PLEC: variants seen among roughly 807,000 people sequenced by gnomAD.
PLEC encodes the protein plectin.
PLEC carries 216 observed loss-of-function variants against 392.8 expected under a neutral mutation model. The observed-to-expected ratio is 0.55, with a 90% CI of 0.49 to 0.62. PLEC has a LOEUF of 0.62. PLEC is among the 20% of genes least tolerant of loss of function. The pLI, the probability that PLEC is intolerant of heterozygous loss-of-function variation, is 0.00. For missense variants in PLEC, 6,863 were observed against 6,563.4 expected (o/e 1.05, Z -1.58); for synonymous variants, 3,621 against 2,980.6 (o/e 1.21, Z -7.00).
At chr8:143,949,659 G>A (rs1311009965) in intron 1 of PLEC, among the ~76,000 whole-genome samples, 2 of 152,204 alleles carry the variant, frequency 1.3e-5, no homozygotes, top group East Asian at 3.9e-4. Context: ...GCCGTCCCCA[G>A]CCACCACCAA....
chr8:143,935,347 G>T, intron 6 of PLEC, 34 bp from the exon 7 acceptor site: 1 of 1,470,644 alleles, frequency 6.8e-7, no homozygotes, highest in African/African-American at 1.4e-5. Context: ...AGGTGGGTGG[G>T]ACAAGACCAG....
upstream of PLEC, among the ~76,000 whole-genome samples, chr8:143,951,866 C>A (rs973150511): frequency 2.3e-4 from 35 of 151,110 alleles, no homozygotes; most frequent in South Asian, 4.2e-4. Context: ...CCATCATCCA[C>A]CCCCCCCTCC....
At position 143,929,922 on chromosome 8, in the gene PLEC, G is replaced by C. The variant is rs782315307; in HGVS notation, c.2739+14C>G. The C allele has an allele frequency of 1.2e-6, 2 of 1,607,922 alleles. No individual in the cohort carries two copies. Among genetic ancestry groups the C allele is most frequent in the East Asian group, 2.2e-5 (1 of 44,812 alleles). On this transcript the variant is annotated intron_variant, in intron 22 of 31. Coordinates refer to ENST00000345136, the MANE Select transcript of PLEC (RefSeq NM_201384.3). ...CTCCCACCCAGAGAGCCCCCGGCTCGGGGGCAGGCGTACCGTGGCCAGGGA... is the reference window on the plus strand; with the variant it reads ...CTCCCACCCAGAGAGCCCCCGGCTCCGGGGCAGGCGTACCGTGGCCAGGGA...
In PLEC at chr8:143,929,329, C is replaced by T. The variant is rs2131701856; in HGVS notation, c.3082-48G>A. The T allele has an allele frequency of 3.8e-6, 6 of 1,591,072 alleles. No individual in the cohort carries two copies. In the East Asian group the frequency reaches 1.3e-4, roughly 36 times the overall value. ...CGCACTCATCACCGAGCGCAGCACACAGCGCCCCTTGAAGGCCAAAGGAGG... is the reference window on the plus strand; with the variant it reads ...CGCACTCATCACCGAGCGCAGCACATAGCGCCCCTTGAAGGCCAAAGGAGG... On this transcript the variant is annotated intron_variant, in intron 24 of 31. Coordinates refer to ENST00000345136, the MANE Select transcript of PLEC (RefSeq NM_201384.3).
rs782012805 is a variant in PLEC at position 143,939,494 on chromosome 8, G to A, written c.-33C>T. On this transcript the variant is annotated 5_prime_UTR_variant, in exon 1 of 32. Coordinates refer to ENST00000345136, the MANE Select transcript of PLEC (RefSeq NM_201384.3). ...CCACACCTTCGTCGCCCGGACCCTC[G>A]GCCTCAGGCACGGTGCTCTGGGCAG... 13 of 1,592,424 alleles carry A rather than the reference G, an allele frequency of 8.2e-6. No homozygotes were observed. Among genetic ancestry groups the A allele is most frequent in the African/African-American group, 5.4e-5 (4 of 74,580 alleles).
intron 1 of PLEC, among the ~76,000 whole-genome samples, chr8:143,948,673 C>G (rs1490837695): frequency 1.3e-5 from 2 of 152,226 alleles, no homozygotes; most frequent in Non-Finnish European, 2.9e-5. Context: ...GGGGTGCCCT[C>G]CGCTCTGCCT....
Position 143,916,017 on chromosome 8 carries a change from G to A in PLEC, c.*160C>T, listed in dbSNP as rs111529162. On this transcript the variant is annotated 3_prime_UTR_variant, in exon 32 of 32. Transcript: ENST00000345136. ...AGCCCTGTCCCCCAAGATACAGGCT[G>A]TCTGGACAGCAGATATATATTAATA... 5 of 550,638 alleles carry A rather than the reference G, an allele frequency of 9.1e-6. No individual in the cohort carries two copies. The highest frequency in any genetic ancestry group is 4.1e-5 in the African/African-American group (2 of 49,302). The allele number at this position is 550,638 out of a possible 1,614,324, so 34.1% of individuals were successfully genotyped here. A position where few individuals can be genotyped will look rare whatever the true frequency, so the allele number is the denominator to read the frequency against.
rs1462067970 is a variant in PLEC, at chr8:143,916,114, G to GC, written c.*62dup. 6 of 1,283,086 alleles carry GC rather than the reference G, an allele frequency of 4.7e-6. No individual in the cohort carries two copies. Among genetic ancestry groups the GC allele is most frequent in the Non-Finnish European group, 6.3e-6 (6 of 957,962 alleles). 79.5% of individuals were successfully genotyped at this position (1,283,086 alleles called of 1,614,324 possible). A position where few individuals can be genotyped will look rare whatever the true frequency, so the allele number is the denominator to read the frequency against. On this transcript the variant is annotated 3_prime_UTR_variant, in exon 32 of 32. Coordinates refer to ENST00000345136, the MANE Select transcript of PLEC (RefSeq NM_201384.3). ...AAGACACCTTTAAGCGTTGAAAACGGCCCCCGCGCCTCGGTGGGAGCCGGG... is the reference window on the plus strand; with the variant it reads ...AAGACACCTTTAAGCGTTGAAAACGGCCCCCCGCGCCTCGGTGGGAGCCGGG...
rs782383190 is a variant in PLEC at position 143,925,579 on chromosome 8, G to A, written c.4350C>T (p.Ile1450=). 1.9e-5 allele frequency: 30 copies of A among 1,579,858 alleles called. 1 individual carries two copies. The highest frequency in any genetic ancestry group is 1.4e-4 in the Admixed American group (8 of 57,644). Residue 1450 remains isoleucine (I), a synonymous_variant, in exon 31 of 32, where the codon ATC becomes ATT. Coordinates refer to ENST00000345136, the MANE Select transcript of PLEC (RefSeq NM_201384.3). ...AEAAERSRLR[I]EEEIRVVRLQ... ...GGCGCACCACGCGGATCTCCTCCTC[G>A]ATGCGCAGCCGGCTGCGCTCAGCCG...
At chr8:143,954,566 A>G (rs1210982200), upstream of PLEC, among the ~76,000 whole-genome samples, 2 of 151,728 alleles carry the variant, frequency 1.3e-5, no homozygotes, top group Non-Finnish European at 2.9e-5. This position sits in a 1 kb window ranked among gnomAD's most constrained non-coding sequence, Gnocchi z 4.6. Context: ...CCCCACGACC[A>G]CCAGGGACCC....
rs201093335 is a variant in PLEC, at chr8:143,921,788, G to A, written c.8033C>T (p.Thr2678Met). ...TTCCCGCCGTGCGAGCTCGTCCACC[G>A]TGGTGTGGCCCTGCGCCAACCGCTG... Reference protein sequence around the residue: ...ELQRLAQGHTTVDELARREDV... With the variant: ...ELQRLAQGHTMVDELARREDV... The change falls in exon 32 of 32, where the codon ACG becomes ATG. Residue 2678 changes from threonine (T) to methionine (M), a missense_variant. By Grantham distance (81) the Thr-to-Met change is moderately conservative. Coordinates refer to ENST00000345136, the MANE Select transcript of PLEC (RefSeq NM_201384.3). The A allele has an allele frequency of 1.5e-4, 241 of 1,610,842 alleles. No homozygotes were observed. Among genetic ancestry groups the A allele is most frequent in the Non-Finnish European group, 1.8e-4 (213 of 1,179,814 alleles).
In PLEC at chr8:143,917,658, G is replaced by T. The variant is rs200383296; in HGVS notation, c.12163C>A (p.Pro4055Thr). The T allele has an allele frequency of 9.3e-6, 15 of 1,613,652 alleles. No individual in the cohort carries two copies. In the Admixed American group the frequency reaches 2.5e-4, roughly 27 times the overall value. ...AQIATGGIID[P>T]EESHRLPVEV... ...ACGGGCAGCCGGTGGCTCTCCTCAG[G>T]GTCGATGATGCCGCCCGTGGCGATC... The change falls in exon 32 of 32, where the codon CCT becomes ACT. Residue 4055 changes from proline (P) to threonine (T), a missense_variant. Transcript: ENST00000345136.
In PLEC at chr8:143,917,461, C is replaced by A. The variant is rs146781600; in HGVS notation, c.12360G>T (p.Pro4120=). The A allele has an allele frequency of 6.8e-6, 11 of 1,613,728 alleles. No homozygotes were observed. In the Admixed American group the frequency reaches 1.8e-4, roughly 27 times the overall value. The part of the protein sequence containing the change: ...TDPQTGLCLL[P]LKEKKRERKT... ...TCCGCTCCCGCTTCTTCTCCTTCAGCGGCAAGAGACACAGGCCCGTCTGGG... is the reference window on the plus strand; with the variant it reads ...TCCGCTCCCGCTTCTTCTCCTTCAGAGGCAAGAGACACAGGCCCGTCTGGG... Residue 4120 remains proline (P), a synonymous_variant, in exon 32 of 32, where the codon CCG becomes CCT. Transcript: ENST00000345136.
chr8:143,947,049 G>T (rs187332337), intron 1 of PLEC, among the ~76,000 whole-genome samples: 2 of 152,150 alleles, frequency 1.3e-5, no homozygotes, highest in Admixed American at 1.3e-4. Context: ...GAAGCCTGCC[G>T]GCGATCTACA....
At chr8:143,949,720 G>A (rs1014622558) in intron 1 of PLEC, among the ~76,000 whole-genome samples, 1 of 152,216 alleles carries the variant, frequency 6.6e-6, no homozygotes, top group Non-Finnish European at 1.5e-5. Flanking sequence ...CACTCTGTGC[G>A]GCACCAAGCC....
chr8:143,938,474 G>A lies in PLEC; in HGVS notation c.174+157C>T, dbSNP rs557754022. 731 of 1,546,660 alleles carry A rather than the reference G, an allele frequency of 4.7e-4. 4 individuals are homozygous for A. The African/African-American group carries it at 8.8e-3, about 19-fold the overall frequency. The stretch of plus-strand genomic sequence containing the variant: ...GAGGAGGAAGAGAGAGGCAGGAGCA[G>A]GCGTAGGGAAGAAAGAGGACAGAAA... On this transcript the variant is annotated intron_variant, in intron 2 of 31. Coordinates refer to ENST00000345136, the MANE Select transcript of PLEC (RefSeq NM_201384.3).
rs542878693 is a variant in PLEC at position 143,925,565 on chromosome 8, C to A, written c.4364G>T (p.Arg1455Leu). ...RSRLRIEEEI[R>L]VVRLQLEATE... ...GGCCTCCAACTGCAGGCGCACCACG[C>A]GGATCTCCTCCTCGATGCGCAGCCG... Residue 1455 changes from arginine (R) to leucine (L), a missense_variant, in exon 31 of 32, where the codon CGC becomes CTC. Physicochemically the swap from Arg to Leu is moderately radical, Grantham distance 102. Coordinates refer to ENST00000345136, the MANE Select transcript of PLEC (RefSeq NM_201384.3). 1 of 1,587,348 alleles carries A rather than the reference C, an allele frequency of 6.3e-7. No homozygotes were observed. Among genetic ancestry groups the A allele is most frequent in the East Asian group, 2.3e-5 (1 of 44,156 alleles).
In PLEC at chr8:143,920,691, G is replaced by C; in HGVS notation, c.9130C>G (p.Leu3044Val). Residue 3044 changes from leucine (L) to valine (V), a missense_variant, in exon 32 of 32, where the codon CTG (leucine) becomes GTG (valine). Coordinates refer to ENST00000345136, the MANE Select transcript of PLEC (RefSeq NM_201384.3). ...TCGGATGGCAGCAGGTCTTTCTTCA[G>C]GGCATTGTAGATACTCAGCTTCTGC... The part of the protein sequence containing the change: ...AGQKLSIYNA[L>V]KKDLLPSDMA... The C allele has an allele frequency of 6.2e-7, 1 of 1,602,818 alleles. No individual in the cohort carries two copies. The highest frequency in any genetic ancestry group is 8.5e-7 in the Non-Finnish European group (1 of 1,179,898).
intron 1 of PLEC, among the ~76,000 whole-genome samples, chr8:143,972,011 G>A (rs1029452277): frequency 1.3e-5 from 2 of 152,316 alleles, no homozygotes; most frequent in African/African-American, 4.8e-5. Context: ...AGACAGCCCT[G>A]GGGCCAGGAA....
Sources: allele counts gnomAD v4.1 joint callset (sites outside exome capture counted in the v4.1 genomes callset), GRCh38; gene constraint gnomAD v4.1.1; non-coding constraint Gnocchi (gnomAD v3.1); transcripts MANE v1.5; gene names NCBI Gene and HGNC (gene_info 2026-07-23, HGNC 2026-07-21).